HDAC4: variants seen among roughly 807,000 people sequenced by gnomAD.
HDAC4 encodes the protein histone deacetylase 4, also known as histone deacetylase A.
Under a neutral mutation model 135.1 loss-of-function variants are expected in HDAC4, and 16 were observed. That is an observed-to-expected ratio of 0.12 (90% CI 0.08 to 0.18). The LOEUF (loss-of-function observed/expected upper bound fraction) is 0.18, where lower values mean the gene tolerates loss of function less well. HDAC4 is among the 10% of genes least tolerant of loss of function. HDAC4 has a pLI of 1.00. For missense variants in HDAC4, 1,143 were observed against 1,511.8 expected, an observed-to-expected ratio of 0.76 and a Z score of 4.05; for synonymous variants, 685 against 653.4, an observed-to-expected ratio of 1.05 and a Z score of -0.74.
rs992362601 is a variant in HDAC4, at chr2:239,263,353, G to T, written c.23-26689C>A. ...CATCCCAGCCCCTTGCACATCAGCC[G>T]CCCCGAAGCCCGCCCAGTCCCCTGC... On this transcript the variant is annotated intron_variant, in intron 2 of 26. Transcript: ENST00000543185. 2.6e-5 allele frequency among the ~76,000 whole-genome samples: 3 copies of T among 116,074 alleles called. No individual in the cohort carries two copies. In the East Asian group the frequency reaches 9.2e-4, roughly 36 times the overall value. The allele number at this position is 116,074 out of a possible 152,430, so 76.1% of individuals were successfully genotyped here.
At chr2:239,342,079 G>A (rs1692332760) in intron 2 of HDAC4, among the ~76,000 whole-genome samples, 1 of 152,154 alleles carries the variant, frequency 6.6e-6, no homozygotes, top group African/African-American at 2.4e-5. Context: ...CCCCAGAACT[G>A]TGAGCAAGAA....
chr2:239,224,005 G>A (rs1209783902), intron 3 of HDAC4, among the ~76,000 whole-genome samples: 2 of 152,028 alleles, frequency 1.3e-5, no homozygotes, highest in South Asian at 2.1e-4. Flanking sequence ...GCTCGCCAAC[G>A]CCTACCACTC....
chr2:239,377,694 A>C (rs1334528893), intron 1 of HDAC4, among the ~76,000 whole-genome samples: 2 of 152,222 alleles, frequency 1.3e-5, no homozygotes, highest in Admixed American at 6.5e-5. Context: ...CTGACAGCTC[A>C]TCTGGCTGGG....
chr2:239,201,229 A>G (rs2045736917), intron 3 of HDAC4, among the ~76,000 whole-genome samples: 2 of 152,164 alleles, frequency 1.3e-5, no homozygotes, highest in African/African-American at 4.8e-5. Context: ...CTTGCTGGAA[A>G]CATCAGGGGC....
chr2:239,348,687 G>A (rs934326958), intron 2 of HDAC4, among the ~76,000 whole-genome samples: 7 of 152,360 alleles, frequency 4.6e-5, no homozygotes, highest in Admixed American at 2.0e-4. Context: ...CTGCCACAGC[G>A]CATCCCCTCA....
intron 2 of HDAC4, among the ~76,000 whole-genome samples, chr2:239,283,999 T>G (rs975691701): frequency 2.0e-5 from 3 of 152,140 alleles, no homozygotes; most frequent in African/African-American, 7.2e-5. Flanking sequence ...GCCAAGGGCG[T>G]CGGCGCAGGG....
chr2:239,199,151 C>T (rs951663487), intron 3 of HDAC4, among the ~76,000 whole-genome samples: 10 of 146,452 alleles, frequency 6.8e-5, no homozygotes, highest in Admixed American at 4.2e-4. Flanking sequence ...CTGAAGACAT[C>T]GGGTCATCTG....
Position 239,236,480 on chromosome 2 carries a change from C to T in HDAC4, c.94+113G>A, listed in dbSNP as rs1231511800. ...GCACCCAAATTCAGTGAACCTGATA[C>T]CCCACACCTCCCCCCTCGCCCTCTC... On this transcript the variant is annotated intron_variant, in intron 3 of 26. Coordinates refer to ENST00000543185, the MANE Select transcript of HDAC4 (RefSeq NM_001378414.1). 6.1e-6 allele frequency: 5 copies of T among 823,168 alleles called. No individual in the cohort carries two copies. The East Asian group carries it at 8.1e-5, about 13-fold the overall frequency. The allele number at this position is 823,168 out of a possible 1,614,324, so 51.0% of individuals were successfully genotyped here. A position where few individuals can be genotyped will look rare whatever the true frequency, so the allele number is the denominator to read the frequency against.
intron 6 of HDAC4, among the ~76,000 whole-genome samples, chr2:239,162,523 C>G (rs894501372): frequency 1.3e-5 from 2 of 152,214 alleles, no homozygotes; most frequent in African/African-American, 2.4e-5. Context: ...GGGCACAGAT[C>G]GGGGTCTCCC....
intron 2 of HDAC4, among the ~76,000 whole-genome samples, chr2:239,274,813 G>C (rs2050257790): frequency 6.6e-6 from 1 of 152,146 alleles, no homozygotes; most frequent in Non-Finnish European, 1.5e-5. Flanking sequence ...CCCTTCCCTA[G>C]GCCTGGCCTG....
intron 3 of HDAC4, among the ~76,000 whole-genome samples, chr2:239,226,163 A>G (rs953970024): frequency 1.3e-5 from 2 of 152,172 alleles, no homozygotes; most frequent in African/African-American, 4.8e-5. Context: ...AGCTGGTAAT[A>G]AAAGAAAAAA....
At chr2:239,194,385 A>C (rs2045222122) in intron 3 of HDAC4, among the ~76,000 whole-genome samples, 2 of 152,224 alleles carry the variant, frequency 1.3e-5, no homozygotes, top group South Asian at 4.1e-4. Context: ...GGACTGAGAG[A>C]CAATCAAAAC....
At chr2:239,064,042 CAG>C (rs1489516354) in intron 24 of HDAC4, among the ~76,000 whole-genome samples, 1 of 152,232 alleles carries the variant, frequency 6.6e-6, no homozygotes, top group Admixed American at 6.5e-5. Flanking sequence ...GGAGTCACTG[CAG>C]AGAGACGGAG....
intron 8 of HDAC4, among the ~76,000 whole-genome samples, chr2:239,143,548 T>C (rs1458119302): frequency 6.6e-6 from 1 of 152,234 alleles, no homozygotes. Context: ...AGATGTCAGA[T>C]ACTTTTTAAT....
In HDAC4 at chr2:239,167,960, G is replaced by A. The variant is rs962656190; in HGVS notation, c.491-4037C>T. Among the ~76,000 whole-genome samples, 9 of 151,844 alleles carry A rather than the reference G, an allele frequency of 5.9e-5. No individual in the cohort carries two copies. Among genetic ancestry groups the A allele is most frequent in the Admixed American group, 1.3e-4 (2 of 15,268 alleles). On this transcript the variant is annotated intron_variant, in intron 5 of 26. Coordinates refer to ENST00000543185, the MANE Select transcript of HDAC4 (RefSeq NM_001378414.1). This position sits in a 1 kb window ranked among gnomAD's most constrained non-coding sequence, Gnocchi z 4.1. ...GGAGGACAGCAGCTCTGGGTGGGGCGGGGCGGGGCAGGTGGGGAGGGACGG... is the reference window on the plus strand; with the variant it reads ...GGAGGACAGCAGCTCTGGGTGGGGCAGGGCGGGGCAGGTGGGGAGGGACGG...
At chr2:239,063,109 C>T (rs575512675) in intron 24 of HDAC4, among the ~76,000 whole-genome samples, 2 of 152,294 alleles carry the variant, frequency 1.3e-5, no homozygotes, top group East Asian at 3.9e-4. Flanking sequence ...TCTGCTGTCC[C>T]GGGGTCACGC....
chr2:239,143,621 AGG>A (rs1465465931), intron 8 of HDAC4, among the ~76,000 whole-genome samples: 1 of 152,208 alleles, frequency 6.6e-6, no homozygotes, highest in Non-Finnish European at 1.5e-5. Flanking sequence ...TCAAGTAGAG[AGG>A]GGACAGGGCA....
At chr2:239,098,166 G>A (rs998137063) in intron 16 of HDAC4, among the ~76,000 whole-genome samples, 1 of 152,370 alleles carries the variant, frequency 6.6e-6, no homozygotes, top group South Asian at 2.1e-4. Context: ...AAATGCATGC[G>A]TATAGGAATG....
At position 239,218,805 on chromosome 2, in the gene HDAC4, G is replaced by A. The variant is rs1215492529; in HGVS notation, c.94+17788C>T. Among the ~76,000 whole-genome samples the A allele has an allele frequency of 8.1e-4, 119 of 146,718 alleles. 1 individual carries two copies. Among genetic ancestry groups the A allele is most frequent in the African/African-American group, 4.5e-4 (18 of 39,996 alleles). On this transcript the variant is annotated intron_variant, in intron 3 of 26. Transcript: ENST00000543185. ...CAAACAACCCCATCAAAAAGTGGGC[G>A]AAGGACATGAACAGACACTTCTCAA...
Sources: gnomAD v4.1 joint callset for allele counts (sites outside exome capture counted in the v4.1 genomes callset) on GRCh38, gnomAD v4.1.1 for gene constraint, Gnocchi (gnomAD v3.1) non-coding constraint, MANE v1.5 for transcripts, NCBI Gene and HGNC (gene_info 2026-07-23, HGNC 2026-07-21) for gene names.